Variants in BASP1 observed in about 807,000 individuals in gnomAD.
The protein encoded by BASP1 is brain abundant membrane attached signal protein 1, also known as brain acid soluble protein 1.
A neutral mutation model predicts 2.2 loss-of-function variants in BASP1; 1 was observed. The observed-to-expected ratio is 0.46, with a 90% CI of 0.16 to 2.17. The LOEUF (loss-of-function observed/expected upper bound fraction) is 2.17. Among genes scored for constraint, BASP1 ranks in the 30% most tolerant of loss-of-function variants. The pLI is 0.27. For synonymous variants in BASP1, 187 were observed against 154.2 expected (o/e 1.21, Z -1.58); for missense variants, 352 against 327.2 (o/e 1.08, Z -0.58).
intron 1 of BASP1, among the ~76,000 whole-genome samples, chr5:17,254,413 A>G (rs1317413268): frequency 6.6e-6 from 1 of 152,196 alleles, no homozygotes; most frequent in Non-Finnish European, 1.5e-5. Context: ...CACCTATCAC[A>G]ATCAAGATTC....
chr5:17,238,366 C>G (rs1047320206), intron 1 of BASP1, among the ~76,000 whole-genome samples: 1 of 152,250 alleles, frequency 6.6e-6, no homozygotes, highest in Admixed American at 6.5e-5. Context: ...TCTCCCTCCC[C>G]TCCCTTTCAA....
At chr5:17,273,788 C>A (rs544082824) in intron 1 of BASP1, among the ~76,000 whole-genome samples, 25 of 152,292 alleles carry the variant, frequency 1.6e-4, no homozygotes, top group African/African-American at 5.8e-4. Flanking sequence ...CTCTTTCTAA[C>A]CTCCCTTGGG....
At chr5:17,256,204 G>A (rs942790593) in intron 1 of BASP1, among the ~76,000 whole-genome samples, 1 of 152,186 alleles carries the variant, frequency 6.6e-6, no homozygotes, top group Admixed American at 6.5e-5. Context: ...GAAAGATTTA[G>A]GAGCCTGCCT....
intron 1 of BASP1, among the ~76,000 whole-genome samples, chr5:17,244,359 A>G (rs1579490047): frequency 6.6e-6 from 1 of 152,236 alleles, no homozygotes; most frequent in East Asian, 1.9e-4. Flanking sequence ...AACATAAAAC[A>G]TAATAGTGTT....
intron 1 of BASP1, among the ~76,000 whole-genome samples, chr5:17,252,794 T>C (rs1740128960): frequency 6.6e-6 from 1 of 152,244 alleles, no homozygotes; most frequent in Non-Finnish European, 1.5e-5. Flanking sequence ...TGAATCACAC[T>C]CTCATCTGAT....
chr5:17,275,969 CTA>C lies in BASP1; in HGVS notation c.*71_*72del, dbSNP rs1270880178. 816 of 987,230 alleles carry C rather than the reference CTA, an allele frequency of 8.3e-4. No individual in the cohort carries two copies. Among genetic ancestry groups the C allele is most frequent in the African/African-American group, 2.5e-3 (144 of 57,826 alleles). The allele number at this position is 987,230 out of a possible 1,614,324, so 61.2% of individuals were successfully genotyped here. A position where few individuals can be genotyped will look rare whatever the true frequency, so the allele number is the denominator to read the frequency against. ...CCTCTCTCTCTCTCTCTCTCTCTCT[CTA>C]TCTCTCTCTCTATCTCCTCTCTCTC... is the stretch of plus-strand genomic sequence containing the variant. On this transcript the variant is annotated 3_prime_UTR_variant, in exon 2 of 2. Transcript: ENST00000322611. The surrounding 1 kb of genome is among the most constrained non-coding windows in gnomAD (Gnocchi z 5.3).
At chr5:17,250,410 T>C (rs1740078551) in intron 1 of BASP1, among the ~76,000 whole-genome samples, 1 of 152,192 alleles carries the variant, frequency 6.6e-6, no homozygotes, top group East Asian at 1.9e-4. Context: ...AGTCTAATTT[T>C]TTGTTACTAT....
chr5:17,247,391 C>T (rs927842572), intron 1 of BASP1, among the ~76,000 whole-genome samples: 1 of 152,112 alleles, frequency 6.6e-6, no homozygotes, highest in African/African-American at 2.4e-5. Flanking sequence ...GGACATGGAT[C>T]CTGACTTCAT....
intron 1 of BASP1, among the ~76,000 whole-genome samples, chr5:17,252,690 A>G (rs1279948273): frequency 1.3e-5 from 2 of 152,234 alleles, no homozygotes; most frequent in Admixed American, 6.5e-5. Flanking sequence ...TTGTTTCCCA[A>G]TCTTAAAAAG....
chr5:17,258,163 A>G (rs1003643734), intron 1 of BASP1, among the ~76,000 whole-genome samples: 1 of 152,106 alleles, frequency 6.6e-6, no homozygotes, highest in African/African-American at 2.4e-5. Context: ...CAAAGGCAGT[A>G]TATCTCTATA....
rs1396246585 is a variant in BASP1 at position 17,275,941 on chromosome 5, TCTC to T, written c.*45_*47del. ...GGAAAAACAATACCACTTAAAACAATCTCCTCTCTCTCTCTCTCTCTCTCTCTC... is the reference window on the plus strand; with the variant it reads ...GGAAAAACAATACCACTTAAAACAATCTCTCTCTCTCTCTCTCTCTCTCTC... On this transcript the variant is annotated 3_prime_UTR_variant, in exon 2 of 2. Transcript: ENST00000322611. The surrounding 1 kb of genome is among the most constrained non-coding windows in gnomAD (Gnocchi z 5.3). The T allele has an allele frequency of 7.5e-7, 1 of 1,339,904 alleles. No individual in the cohort carries two copies. The highest frequency in any genetic ancestry group is 3.2e-5 in the Admixed American group (1 of 30,904). The allele number at this position is 1,339,904 out of a possible 1,614,324, so 83.0% of individuals were successfully genotyped here.
At chr5:17,263,548 G>A (rs185957947) in intron 1 of BASP1, among the ~76,000 whole-genome samples, 6 of 152,338 alleles carry the variant, frequency 3.9e-5, no homozygotes, top group Non-Finnish European at 8.8e-5. Flanking sequence ...CAAAGACCCT[G>A]TGCCAGTGCA....
chr5:17,275,818 G>T lies in BASP1; in HGVS notation c.602G>T (p.Gly201Val), dbSNP rs1361575372. The T allele has an allele frequency of 1.9e-6, 3 of 1,611,688 alleles. No individual in the cohort carries two copies. The highest frequency in any genetic ancestry group is 2.7e-5 in the African/African-American group (2 of 74,792). ...CCTAGTTCCACACCCAAGGCCCAGG[G>T]CCCCGCAGCCTCTGCAGAAGAGCCC... is the stretch of plus-strand genomic sequence containing the variant. ...EAPSSTPKAQ[G>V]PAASAEEPKP... Residue 201 changes from glycine (G) to valine (V), a missense_variant, in exon 2 of 2, where the codon GGC becomes GTC. Transcript: ENST00000322611. This position sits in a 1 kb window ranked among gnomAD's most constrained non-coding sequence, Gnocchi z 5.3.
intron 1 of BASP1, among the ~76,000 whole-genome samples, chr5:17,257,968 A>G (rs944497927): frequency 6.6e-6 from 1 of 152,158 alleles, no homozygotes; most frequent in Non-Finnish European, 1.5e-5. Context: ...GCCTGGTGTT[A>G]TCATCAGGGG....
chr5:17,256,133 A>G (rs929930297), intron 1 of BASP1, among the ~76,000 whole-genome samples: 10 of 152,202 alleles, frequency 6.6e-5, no homozygotes, highest in African/African-American at 2.2e-4. Flanking sequence ...ACCTTGGCCC[A>G]TATCTCAGAG....
intron 1 of BASP1, among the ~76,000 whole-genome samples, chr5:17,219,427 A>C (rs1156433751): frequency 1.3e-5 from 2 of 152,156 alleles, no homozygotes; most frequent in African/African-American, 2.4e-5. Flanking sequence ...ATTTCAATTG[A>C]CCAAAATTAA....
Position 17,275,337 on chromosome 5 carries a change from G to C in BASP1, c.121G>C (p.Glu41Gln), listed in dbSNP as rs145045269. 75 of 1,610,380 alleles carry C rather than the reference G, an allele frequency of 4.7e-5. No homozygotes were observed. The highest frequency in any genetic ancestry group is 6.3e-5 in the Non-Finnish European group (74 of 1,178,580). ...TEEEGTPKES[E>Q]PQAAAEPAEA... is the part of the protein sequence containing the mutation. ...AGAGGAGGGGACCCCGAAGGAGAGT[G>C]AGCCCCAGGCGGCCGCAGAGCCCGC... The change falls in exon 2 of 2, where the codon GAG becomes CAG. Residue 41 changes from glutamate (E) to glutamine (Q), a missense_variant. Physicochemically the swap from Glu to Gln is conservative, Grantham distance 29. Coordinates refer to ENST00000322611, the MANE Select transcript of BASP1 (RefSeq NM_006317.5). The surrounding 1 kb of genome is among the most constrained non-coding windows in gnomAD (Gnocchi z 5.3).
At chr5:17,273,669 A>G (rs1658767340) in intron 1 of BASP1, among the ~76,000 whole-genome samples, 1 of 152,184 alleles carries the variant, frequency 6.6e-6, no homozygotes, top group South Asian at 2.1e-4. Flanking sequence ...ATAAACAGCA[A>G]ATCCTTCTTT....
At chr5:17,225,644 T>C (rs1047471044) in intron 1 of BASP1, among the ~76,000 whole-genome samples, 1 of 152,126 alleles carries the variant, frequency 6.6e-6, no homozygotes, top group Non-Finnish European at 1.5e-5. Context: ...TTTAGACTTA[T>C]TTGGGGGCTA....
Sources: gnomAD v4.1 joint callset for allele counts (sites outside exome capture counted in the v4.1 genomes callset) on GRCh38, gnomAD v4.1.1 for gene constraint, Gnocchi (gnomAD v3.1) non-coding constraint, MANE v1.5 for transcripts, NCBI Gene and HGNC (gene_info 2026-07-23, HGNC 2026-07-21) for gene names.